NWD1: variants seen among roughly 807,000 people sequenced by gnomAD.
The protein encoded by NWD1 is NACHT domain- and WD repeat-containing protein 1.
In NWD1, 129 loss-of-function variants were observed where a neutral mutation model predicts 135.1. The ratio of observed to expected loss-of-function variants is 0.96; its 90% confidence interval spans 0.83 to 1.11. The LOEUF (loss-of-function observed/expected upper bound fraction) is 1.11, where lower values mean the gene tolerates loss of function less well. Ranked by LOEUF, NWD1 falls within the 50% of genes least tolerant of loss-of-function variation. The probability of loss-of-function intolerance (pLI) is 0.00; values close to 1 mark genes in which losing one functional copy is unlikely to be tolerated. For missense variants in NWD1, 1,740 were observed against 1,851.3 expected (o/e 0.94, Z 1.10); for synonymous variants, 773 against 786.0 (o/e 0.98, Z 0.28).
chr19:16,749,914 C>A lies in NWD1; in HGVS notation c.1272C>A (p.Val424=). 1.9e-6 allele frequency: 3 copies of A among 1,613,676 alleles called. No individual in the cohort carries two copies. The highest frequency in any genetic ancestry group is 2.5e-6 in the Non-Finnish European group (3 of 1,180,040). The change falls in exon 6 of 19, where the codon GTC becomes GTA. Residue 424 remains valine (V), a synonymous_variant. Coordinates refer to ENST00000524140, the MANE Select transcript of NWD1 (RefSeq NM_001007525.5). Reference sequence around the variant, plus strand: ...TTTTCCATACCCTCCTCCACACTGTCTCTTGCAGAAACTTCGAGTCTCTCG... The same window carrying A: ...TTTTCCATACCCTCCTCCACACTGTATCTTGCAGAAACTTCGAGTCTCTCG... ...VQFFHTLLHT[V]SCRNFESLVL...
At chr19:16,728,478 TTTCACCA>T (rs887153195) in intron 2 of NWD1, among the ~76,000 whole-genome samples, 1 of 148,838 alleles carries the variant, frequency 6.7e-6, no homozygotes, top group African/African-American at 2.5e-5. Context: ...AGAGATGGGG[TTTCACCA>T]TGCTGACCAG....
chr19:16,759,948 C>A (rs772122290), intron 7 of NWD1, among the ~76,000 whole-genome samples: 3 of 151,938 alleles, frequency 2.0e-5, no homozygotes, highest in Non-Finnish European at 4.4e-5. Flanking sequence ...GAGCCAAGAT[C>A]GCACCACTGT....
At chr19:16,789,711 T>G (rs1245026116) in intron 13 of NWD1, among the ~76,000 whole-genome samples, 1 of 137,806 alleles carries the variant, frequency 7.3e-6, no homozygotes, top group Non-Finnish European at 1.6e-5. Context: ...CTCTCTCCTC[T>G]CTCTCTTTTT....
At position 16,797,748 on chromosome 19, in the gene NWD1, G is replaced by T; in HGVS notation, c.3321G>T (p.Val1107=). ...SLLAAGFGRS[V]RIFLADSRGF... is the part of the protein sequence containing the mutation. ...CCGTTTCAGGCTTTGGAAGATCGGT[G>T]CGGATATTCTTGGCGGACTCGAGGG... Residue 1107 remains valine, a synonymous_variant, in exon 16 of 19, where the codon GTG becomes GTT. Coordinates refer to ENST00000524140, the MANE Select transcript of NWD1 (RefSeq NM_001007525.5). 6.2e-7 allele frequency: 1 copy of T among 1,614,074 alleles called. No homozygotes were observed. Among genetic ancestry groups the T allele is most frequent in the Non-Finnish European group, 8.5e-7 (1 of 1,179,962 alleles).
At chr19:16,799,653 T>C (rs1370457085) in intron 16 of NWD1, among the ~76,000 whole-genome samples, 1 of 152,030 alleles carries the variant, frequency 6.6e-6, no homozygotes. Flanking sequence ...ATTACAGGCA[T>C]GCACCACCAA....
chr19:16,731,259 G>A lies in NWD1; in HGVS notation c.62G>A (p.Arg21Lys). 1 of 1,532,904 alleles carries A rather than the reference G, an allele frequency of 6.5e-7. No individual in the cohort carries two copies. Among genetic ancestry groups the A allele is most frequent in the Non-Finnish European group, 8.7e-7 (1 of 1,143,916 alleles). The allele number at this position is 1,532,904 out of a possible 1,614,324, so 95.0% of individuals were successfully genotyped here. ...CTGAAGTGCCAGACCTTCTGCCAGA[G>A]GCACGGCTTGATGTTTGAGGTAACT... is the stretch of plus-strand genomic sequence containing the variant. Reference protein sequence around the residue: ...PTLKCQTFCQRHGLMFEVVDL... With the variant: ...PTLKCQTFCQKHGLMFEVVDL... Residue 21 changes from arginine (R) to lysine (K), a missense_variant, in exon 3 of 19, where the codon AGG (arginine) becomes AAG (lysine). Coordinates refer to ENST00000524140, the MANE Select transcript of NWD1 (RefSeq NM_001007525.5).
intron 4 of NWD1, among the ~76,000 whole-genome samples, chr19:16,737,693 G>A (rs775991595): frequency 6.6e-6 from 1 of 151,742 alleles, no homozygotes; most frequent in Admixed American, 6.6e-5. Flanking sequence ...AGAGCAGGGG[G>A]CCGGGCGTGG....
chr19:16,809,844 AC>A (rs1970870095), intron 18 of NWD1, among the ~76,000 whole-genome samples: 1 of 151,900 alleles, frequency 6.6e-6, no homozygotes, highest in Non-Finnish European at 1.5e-5. Flanking sequence ...GTCATGAGCC[AC>A]CGTGCCTGGC....
At chr19:16,777,097 GGGGAA>G in intron 11 of NWD1, among the ~76,000 whole-genome samples, 1 of 17,148 alleles carries the variant, frequency 5.8e-5, no homozygotes, top group African/African-American at 2.8e-4. Context: ...GGGGAGGGAA[GGGGAA>G]AGGGGAAGAA....
Position 16,744,657 on chromosome 19 carries a change from C to T in NWD1, c.435C>T (p.Ala145=), listed in dbSNP as rs1247632446. 2 of 1,535,952 alleles carry T rather than the reference C, an allele frequency of 1.3e-6. No homozygotes were observed. The highest frequency in any genetic ancestry group is 8.7e-7 in the Non-Finnish European group (1 of 1,146,846). Residue 145 remains alanine (A), a synonymous_variant, in exon 5 of 19, where the codon GCC becomes GCT. Coordinates refer to ENST00000524140, the MANE Select transcript of NWD1 (RefSeq NM_001007525.5). ...TAACTTCTGTCCTACGCTCTGGAGCCCAGGAGGCCCGGAGGCTGGGGCTCA... is the reference window on the plus strand; with the variant it reads ...TAACTTCTGTCCTACGCTCTGGAGCTCAGGAGGCCCGGAGGCTGGGGCTCA... ...ATLTSVLRSG[A]QEARRLGLIT...
chr19:16,783,491 G>A lies in NWD1; in HGVS notation c.2731+4026G>A, dbSNP rs976862745. On this transcript the variant is annotated intron_variant, in intron 12 of 18. Transcript: ENST00000524140. ...CTCTACTAAAAATACAAAATTAGCC[G>A]GGCGTGGTGATATATACCTGTAATC... is the stretch of plus-strand genomic sequence containing the variant. Among the ~76,000 whole-genome samples the A allele has an allele frequency of 7.9e-5, 12 of 152,032 alleles. No homozygotes were observed. In the East Asian group the frequency reaches 2.0e-3, roughly 25 times the overall value.
At chr19:16,784,648 C>T (rs948456663) in intron 12 of NWD1, among the ~76,000 whole-genome samples, 7 of 151,608 alleles carry the variant, frequency 4.6e-5, no homozygotes, top group African/African-American at 9.7e-5. Flanking sequence ...AAGGAGCAGT[C>T]GGCTGGGCGC....
At chr19:16,750,885 C>T (rs1186338353) in intron 6 of NWD1, among the ~76,000 whole-genome samples, 2 of 151,948 alleles carry the variant, frequency 1.3e-5, no homozygotes, top group Admixed American at 6.6e-5. Flanking sequence ...AAAGGACTGC[C>T]TACATGGTTG....
intron 3 of NWD1, among the ~76,000 whole-genome samples, chr19:16,733,450 G>A (rs181655082): frequency 2.8e-4 from 43 of 151,422 alleles, no homozygotes; most frequent in Middle Eastern, 3.4e-3. Flanking sequence ...GAACCTGGGA[G>A]GTGGTGGTTG....
At chr19:16,799,821 C>T (rs779753939) in intron 16 of NWD1, 65 bp from the exon 17 acceptor site, 33 of 1,461,710 alleles carry the variant, frequency 2.3e-5, no homozygotes, top group Non-Finnish European at 2.7e-5. Flanking sequence ...TGGGCTGAAG[C>T]GTATTTCTGA....
intron 18 of NWD1, among the ~76,000 whole-genome samples, chr19:16,808,646 T>A (rs1353137750): frequency 6.6e-6 from 1 of 151,958 alleles, no homozygotes; most frequent in Non-Finnish European, 1.5e-5. Context: ...GACCCCACTG[T>A]CACGAGGCTG....
Position 16,779,250 on chromosome 19 carries a change from A to G in NWD1, c.2609-93A>G, listed in dbSNP as rs1969768581. 6.3e-6 allele frequency: 9 copies of G among 1,437,428 alleles called. No individual in the cohort carries two copies. The South Asian group carries it at 1.0e-4, about 17-fold the overall frequency. 89.0% of individuals were successfully genotyped at this position (1,437,428 alleles called of 1,614,324 possible). On this transcript the variant is annotated intron_variant, in intron 11 of 18. Transcript: ENST00000524140. ...AATCTCTCTGTGCCTCAGTTGTCTT[A>G]TCTGTGAAGTGGGGGGCTCATTAGA...
rs1971046780 is a variant in NWD1 at position 16,815,602 on chromosome 19, C to T, written c.*563C>T. 2 of 399,514 alleles carry T rather than the reference C, an allele frequency of 5.0e-6. No individual in the cohort carries two copies. The highest frequency in any genetic ancestry group is 4.5e-6 in the Non-Finnish European group (1 of 220,390). 24.7% of individuals were successfully genotyped at this position (399,514 alleles called of 1,614,324 possible). On this transcript the variant is annotated 3_prime_UTR_variant, in exon 19 of 19. Coordinates refer to ENST00000524140, the MANE Select transcript of NWD1 (RefSeq NM_001007525.5). ...AGAAAAGAGAGCTTCTCTTTCCCAA[C>T]AGTCCTAGCCTCAACTCTACTGGTC...
intron 4 of NWD1, among the ~76,000 whole-genome samples, chr19:16,742,881 CTATTAT>C (rs34646876): frequency 0.069 from 9,126 of 132,868 alleles, 335 homozygotes; most frequent in African/African-American, 0.096. Flanking sequence ...ACTATGTTGC[CTATTAT>C]TATTATTATT....
Sources: gnomAD v4.1 joint callset for allele counts (sites outside exome capture counted in the v4.1 genomes callset) on GRCh38, gnomAD v4.1.1 for gene constraint, MANE v1.5 for transcripts, NCBI Gene and HGNC (gene_info 2026-07-23, HGNC 2026-07-21) for gene names.